TBC1D14: variants seen among roughly 807,000 people sequenced by gnomAD.
TBC1D14 encodes TBC1 domain family, member 14.
Under a neutral mutation model 79.0 loss-of-function variants are expected in TBC1D14, and 26 were observed. The observed-to-expected ratio is 0.33, with a 90% CI of 0.24 to 0.46. The LOEUF (loss-of-function observed/expected upper bound fraction) is 0.46. Among genes scored for constraint, TBC1D14 ranks in the 20% least tolerant of loss-of-function variants. TBC1D14 has a pLI of 1.00. For missense variants in TBC1D14, 769 were observed against 887.6 expected (o/e 0.87, Z 1.70); for synonymous variants, 394 against 349.9 (o/e 1.13, Z -1.40).
chr4:7,015,963 G>A (rs1721245095), intron 12 of TBC1D14, among the ~76,000 whole-genome samples: 1 of 152,260 alleles, frequency 6.6e-6, no homozygotes, highest in Non-Finnish European at 1.5e-5. Flanking sequence ...ACTGTGAACA[G>A]ATAGCTGGCT....
chr4:7,010,433 G>C (rs1365425387), intron 10 of TBC1D14, among the ~76,000 whole-genome samples: 1 of 151,948 alleles, frequency 6.6e-6, no homozygotes, highest in East Asian at 1.9e-4. Flanking sequence ...TTGCGGGGTG[G>C]GAGCAGGGGT....
intron 2 of TBC1D14, among the ~76,000 whole-genome samples, chr4:6,964,860 A>C (rs931542404): frequency 4.0e-5 from 6 of 151,810 alleles, no homozygotes; most frequent in Non-Finnish European, 7.4e-5. Context: ...ACTGCAGAAA[A>C]CCCCCGGAAC....
At chr4:6,928,277 G>C (rs985445318) in intron 2 of TBC1D14, among the ~76,000 whole-genome samples, 3 of 152,168 alleles carry the variant, frequency 2.0e-5, no homozygotes, top group African/African-American at 7.2e-5. Context: ...TAAAGAACTG[G>C]AATGATGGAT....
At chr4:6,960,009 G>C (rs1013382770) in intron 2 of TBC1D14, among the ~76,000 whole-genome samples, 1 of 151,156 alleles carries the variant, frequency 6.6e-6, no homozygotes, top group Middle Eastern at 3.2e-3. Flanking sequence ...TCAGCAACAC[G>C]TTTGCATGGC....
chr4:7,001,744 C>T (rs955846587), intron 7 of TBC1D14, among the ~76,000 whole-genome samples: 3 of 152,098 alleles, frequency 2.0e-5, no homozygotes, highest in East Asian at 1.9e-4. Context: ...ACCGATCTCT[C>T]GCTGTATTGC....
At chr4:6,960,859 C>T (rs1024344875) in intron 2 of TBC1D14, among the ~76,000 whole-genome samples, 2 of 152,188 alleles carry the variant, frequency 1.3e-5, no homozygotes, top group African/African-American at 2.4e-5. Context: ...CTGTGAAAGA[C>T]CCTGGTAACA....
At chr4:7,007,457 G>C in intron 9 of TBC1D14, 1 of 1,009,936 alleles carries the variant, frequency 9.9e-7, no homozygotes. Flanking sequence ...GGGTTTTTGC[G>C]GGGGCAGTTG....
intron 12 of TBC1D14, among the ~76,000 whole-genome samples, chr4:7,024,664 C>G (rs1414228362): frequency 1.3e-5 from 2 of 152,216 alleles, no homozygotes; most frequent in African/African-American, 4.8e-5. Flanking sequence ...TACGCTTGCT[C>G]TGTGGGTGGC....
chr4:7,013,360 A>C (rs1720958955), intron 11 of TBC1D14, among the ~76,000 whole-genome samples: 1 of 152,230 alleles, frequency 6.6e-6, no homozygotes. Flanking sequence ...CACCGTCTAC[A>C]GTAGAGCCCC....
intron 2 of TBC1D14, among the ~76,000 whole-genome samples, chr4:6,959,252 A>C (rs947929861): frequency 7.2e-5 from 11 of 152,174 alleles, no homozygotes; most frequent in Admixed American, 2.0e-4. Flanking sequence ...ATAGGTGCTC[A>C]CTTAAGAGTG....
At chr4:7,008,688 G>A (rs1283233125) in intron 9 of TBC1D14, among the ~76,000 whole-genome samples, 3 of 152,232 alleles carry the variant, frequency 2.0e-5, no homozygotes, top group Non-Finnish European at 2.9e-5. Flanking sequence ...TGGGAATACA[G>A]GCGTGAGCCA....
At chr4:6,998,041 C>G (rs1175002492) in intron 5 of TBC1D14, among the ~76,000 whole-genome samples, 1 of 152,118 alleles carries the variant, frequency 6.6e-6, no homozygotes, top group Admixed American at 6.5e-5. Flanking sequence ...AAACTAAATG[C>G]ATGGTATTTC....
At chr4:6,965,402 G>A (rs1715614060) in intron 2 of TBC1D14, among the ~76,000 whole-genome samples, 1 of 152,072 alleles carries the variant, frequency 6.6e-6, no homozygotes, top group Non-Finnish European at 1.5e-5. Context: ...AGAGCTTATA[G>A]GTCCATTATT....
chr4:6,927,759 C>T (rs1166866684), intron 2 of TBC1D14, among the ~76,000 whole-genome samples: 5 of 152,214 alleles, frequency 3.3e-5, no homozygotes, highest in African/African-American at 4.8e-5. Flanking sequence ...CCAAAAATGT[C>T]TCCAGACATT....
intron 2 of TBC1D14, among the ~76,000 whole-genome samples, chr4:6,948,945 C>T (rs1363369256): frequency 3.3e-5 from 5 of 151,462 alleles, no homozygotes; most frequent in Non-Finnish European, 2.9e-5. Flanking sequence ...CATCTGTAAT[C>T]CCTGCACTTT....
intron 3 of TBC1D14, among the ~76,000 whole-genome samples, chr4:6,981,181 C>A (rs1029373373): frequency 6.6e-6 from 1 of 152,056 alleles, no homozygotes; most frequent in African/African-American, 2.4e-5. Context: ...TGTACCACCA[C>A]GCCCAGCTAA....
At position 7,032,986 on chromosome 4, in the gene TBC1D14, G is replaced by T. The variant is rs1723199084; in HGVS notation, c.*2594G>T. The T allele has an allele frequency of 6.6e-6, 1 of 152,618 alleles. No homozygotes were observed. The allele number at this position is 152,618 out of a possible 1,614,324, so 9.5% of individuals were successfully genotyped here. On this transcript the variant is annotated 3_prime_UTR_variant, in exon 14 of 14. Coordinates refer to ENST00000409757, the MANE Select transcript of TBC1D14 (RefSeq NM_020773.3). The stretch of plus-strand genomic sequence containing the variant: ...TTGCTGAAAACTCCTGATAACACTT[G>T]CTACATATCATGTTTTAATTGCTTG...
chr4:6,975,212 C>T (rs1228050054), intron 3 of TBC1D14, among the ~76,000 whole-genome samples: 1 of 148,170 alleles, frequency 6.7e-6, no homozygotes, highest in Non-Finnish European at 1.5e-5. Flanking sequence ...CCGCGCCCGG[C>T]CTGTTTTTTG....
At position 7,010,869 on chromosome 4, in the gene TBC1D14, G is replaced by T. The variant is rs1172147634; in HGVS notation, c.1647+88G>T. On this transcript the variant is annotated intron_variant, in intron 11 of 13. Transcript: ENST00000409757. ...CGTCTGTGTTTTCGGTGGAAAAAAAGAATACATTTTCTCTCTGTGAAGAGA... is the reference window on the plus strand; with the variant it reads ...CGTCTGTGTTTTCGGTGGAAAAAAATAATACATTTTCTCTCTGTGAAGAGA... 4 of 1,455,694 alleles carry T rather than the reference G, an allele frequency of 2.7e-6. No individual in the cohort carries two copies. In the East Asian group the frequency reaches 9.3e-5, roughly 34 times the overall value. 90.2% of individuals were successfully genotyped at this position (1,455,694 alleles called of 1,614,324 possible). A position where few individuals can be genotyped will look rare whatever the true frequency, so the allele number is the denominator to read the frequency against.
Sources: allele counts gnomAD v4.1 joint callset (sites outside exome capture counted in the v4.1 genomes callset), GRCh38; gene constraint gnomAD v4.1.1; transcripts MANE v1.5; gene names NCBI Gene and HGNC (gene_info 2026-07-23, HGNC 2026-07-21).